FAM135A: variants seen among roughly 807,000 people sequenced by gnomAD.
FAM135A encodes family with sequence similarity 135 member A.
A neutral mutation model predicts 146.8 loss-of-function variants in FAM135A; 79 were observed. The observed-to-expected ratio is 0.54, with a 90% CI of 0.45 to 0.65. FAM135A has a LOEUF of 0.65. Ranked by LOEUF, FAM135A falls within the 30% of genes least tolerant of loss-of-function variation. The pLI is 0.00. For missense variants in FAM135A, 1,623 were observed against 1,758.2 expected (o/e 0.92, Z 1.38); for synonymous variants, 562 against 603.6 (o/e 0.93, Z 1.01).
chr6:70,539,671 A>T (rs972402227), intron 20 of FAM135A, among the ~76,000 whole-genome samples: 2 of 152,158 alleles, frequency 1.3e-5, no homozygotes, highest in African/African-American at 4.8e-5. Context: ...TCTTTAATAT[A>T]ATGACCTCCT....
intron 12 of FAM135A, among the ~76,000 whole-genome samples, chr6:70,505,535 A>G (rs1582618490): frequency 6.7e-6 from 1 of 148,866 alleles, no homozygotes; most frequent in African/African-American, 2.5e-5. Context: ...GGGATACTAC[A>G]TTTTTTTTTC....
intron 4 of FAM135A, among the ~76,000 whole-genome samples, chr6:70,439,597 A>G (rs1773987462): frequency 6.6e-6 from 1 of 152,166 alleles, no homozygotes; most frequent in Non-Finnish European, 1.5e-5. Flanking sequence ...ATTTATATTT[A>G]ATGTAATGGC....
At chr6:70,443,436 AC>A (rs1165013565) in intron 4 of FAM135A, among the ~76,000 whole-genome samples, 1 of 152,244 alleles carries the variant, frequency 6.6e-6, no homozygotes, top group Non-Finnish European at 1.5e-5. Flanking sequence ...CAGATCTGTA[AC>A]TTAGCAGCAA....
intron 12 of FAM135A, among the ~76,000 whole-genome samples, chr6:70,517,010 C>T (rs1415875708): frequency 2.0e-5 from 3 of 152,104 alleles, no homozygotes; most frequent in African/African-American, 7.2e-5. Flanking sequence ...ATTGCTTAAA[C>T]TACTTGATCT....
chr6:70,512,738 C>A (rs1190044059), intron 12 of FAM135A, among the ~76,000 whole-genome samples: 1 of 151,688 alleles, frequency 6.6e-6, no homozygotes, highest in African/African-American at 2.4e-5. Flanking sequence ...TTATTAAATT[C>A]TCCTAGCCTG....
At position 70,443,101 on chromosome 6, in the gene FAM135A, G is replaced by T. The variant is rs77641496; in HGVS notation, c.78-9391G>T. Among the ~76,000 whole-genome samples, 22 of 152,188 alleles carry T rather than the reference G, an allele frequency of 1.4e-4. No individual in the cohort carries two copies. The East Asian group carries it at 4.1e-3, about 28-fold the overall frequency. ...CAAAGGGTAAATGACACTTGTTTTTGCTCTTTTTTTGCCAAATTACATTCC... is the reference window on the plus strand; with the variant it reads ...CAAAGGGTAAATGACACTTGTTTTTTCTCTTTTTTTGCCAAATTACATTCC... On this transcript the variant is annotated intron_variant, in intron 4 of 21. Transcript: ENST00000418814.
At chr6:70,531,268 T>C (rs1355542537) in intron 16 of FAM135A, among the ~76,000 whole-genome samples, 1 of 152,224 alleles carries the variant, frequency 6.6e-6, no homozygotes, top group Non-Finnish European at 1.5e-5. Flanking sequence ...TGCCTTGACC[T>C]TTGCTCTTAA....
intron 11 of FAM135A, among the ~76,000 whole-genome samples, chr6:70,501,924 G>A (rs956412909): frequency 2.6e-5 from 4 of 152,196 alleles, no homozygotes; most frequent in African/African-American, 4.8e-5. Flanking sequence ...TTTGGATCAT[G>A]TCCTAATAAC....
Position 70,494,125 on chromosome 6 carries a change from A to G in FAM135A, c.873+3042A>G, listed in dbSNP as rs139199380. On this transcript the variant is annotated intron_variant, in intron 11 of 21. Coordinates refer to ENST00000418814, the MANE Select transcript of FAM135A (RefSeq NM_001162529.3). ...AGTAGGAAAATGTTCATACTGTATT[A>G]TATTCAGTGAAAATTGTATGAAACT... 1.6e-3 allele frequency among the ~76,000 whole-genome samples: 243 copies of G among 151,624 alleles called. 3 individuals are homozygous for G. The highest frequency in any genetic ancestry group is 4.2e-3 in the African/African-American group (172 of 41,372).
chr6:70,545,657 G>T (rs1798721397), intron 20 of FAM135A, among the ~76,000 whole-genome samples: 2 of 152,156 alleles, frequency 1.3e-5, no homozygotes, highest in Non-Finnish European at 2.9e-5. Flanking sequence ...TGTGACTAAT[G>T]CATTGGTTAA....
At chr6:70,454,446 C>G (rs1777843261) in intron 5 of FAM135A, among the ~76,000 whole-genome samples, 1 of 152,082 alleles carries the variant, frequency 6.6e-6, no homozygotes, top group African/African-American at 2.4e-5. Flanking sequence ...CTTTTGTTGC[C>G]ATTGCTTTTG....
chr6:70,479,837 C>A (rs946917276), intron 8 of FAM135A, among the ~76,000 whole-genome samples: 7 of 151,974 alleles, frequency 4.6e-5, no homozygotes, highest in Non-Finnish European at 8.8e-5. Context: ...CTTAGGATTT[C>A]TTTCTTTGCT....
At chr6:70,531,896 T>C (rs1795878323) in intron 16 of FAM135A, among the ~76,000 whole-genome samples, 1 of 136,870 alleles carries the variant, frequency 7.3e-6, no homozygotes, top group East Asian at 2.0e-4. Context: ...TTCTTTTTTT[T>C]TTTTTTTTTT....
intron 4 of FAM135A, among the ~76,000 whole-genome samples, chr6:70,440,264 T>C (rs1388204357): frequency 6.6e-6 from 1 of 152,240 alleles, no homozygotes; most frequent in Non-Finnish European, 1.5e-5. Context: ...TTTTCTCTTT[T>C]TTGTGATATG....
intron 4 of FAM135A, among the ~76,000 whole-genome samples, chr6:70,434,584 C>CA (rs1772517596): frequency 6.6e-6 from 1 of 152,184 alleles, no homozygotes; most frequent in African/African-American, 2.4e-5. Flanking sequence ...AACCATTTCA[C>CA]AAAAATGCAC....
chr6:70,515,367 T>C (rs1212503281), intron 12 of FAM135A, among the ~76,000 whole-genome samples: 1 of 152,206 alleles, frequency 6.6e-6, no homozygotes, highest in Non-Finnish European at 1.5e-5. Context: ...TGTCCTTCAG[T>C]AGGTAACTGG....
At chr6:70,533,707 T>C (rs780140262) in intron 17 of FAM135A, 50 bp from the exon 18 acceptor site, 1 of 1,080,684 alleles carries the variant, frequency 9.3e-7, no homozygotes, top group Non-Finnish European at 1.4e-6. Context: ...GTTTTTCATG[T>C]GATTATACAT....
At position 70,526,621 on chromosome 6, in the gene FAM135A, G is replaced by A. The variant is rs1050580665; in HGVS notation, c.3537G>A (p.Lys1179=). The stretch of plus-strand genomic sequence containing the variant: ...AAAGTAAATTTGATGCCATTACAAA[G>A]CAGCCAAGCAGTACTTCTTACAACT... ...SSKSKFDAIT[K]QPSSTSYNFT... is the part of the protein sequence containing the mutation. The change falls in exon 15 of 22, where the codon AAG becomes AAA. Residue 1179 remains lysine, a synonymous_variant. Coordinates refer to ENST00000418814, the MANE Select transcript of FAM135A (RefSeq NM_001162529.3). The A allele has an allele frequency of 5.1e-5, 83 of 1,612,950 alleles. No homozygotes were observed. Among genetic ancestry groups the A allele is most frequent in the Non-Finnish European group, 6.9e-5 (81 of 1,179,608 alleles).
At chr6:70,478,606 A>G (rs1321370624) in intron 8 of FAM135A, among the ~76,000 whole-genome samples, 2 of 152,160 alleles carry the variant, frequency 1.3e-5, no homozygotes, top group Non-Finnish European at 2.9e-5. Context: ...AATTGAAAAC[A>G]TCTTTCATTC....
Sources: allele counts gnomAD v4.1 joint callset (sites outside exome capture counted in the v4.1 genomes callset), GRCh38; gene constraint gnomAD v4.1.1; transcripts MANE v1.5; gene names NCBI Gene and HGNC (gene_info 2026-07-23, HGNC 2026-07-21).